Variants in SLC24A2 observed in about 807,000 individuals in gnomAD.
SLC24A2 encodes sodium/potassium/calcium exchanger 2.
SLC24A2 carries 36 observed loss-of-function variants against 62.0 expected under a neutral mutation model. The observed-to-expected ratio is 0.58, with a 90% CI of 0.44 to 0.77. The LOEUF (loss-of-function observed/expected upper bound fraction) is 0.77. SLC24A2 is among the 30% of genes least tolerant of loss of function. SLC24A2 has a pLI of 0.00. For missense variants in SLC24A2, 846 were observed against 817.9 expected (o/e 1.03, Z -0.42); for synonymous variants, 358 against 294.0 (o/e 1.22, Z -2.23).
At chr9:19,769,878 C>T (rs1487153278) in intron 2 of SLC24A2, among the ~76,000 whole-genome samples, 11 of 152,042 alleles carry the variant, frequency 7.2e-5, no homozygotes, top group Admixed American at 7.2e-4. Context: ...GGGGGGTTGC[C>T]TGTTCTATTT....
chr9:20,280,571 G>A, the SLC24A2 span, among the ~76,000 whole-genome samples: 2,273 of 152,282 alleles, frequency 0.015, 29 homozygotes, highest in South Asian at 0.024. Flanking sequence ...TCTGGTACTG[G>A]AGCCACATCA....
chr9:20,183,858 C>T, the SLC24A2 span, among the ~76,000 whole-genome samples: 7 of 149,756 alleles, frequency 4.7e-5, no homozygotes, highest in African/African-American at 1.7e-4. Context: ...TTTCAAAATG[C>T]AAACCTTGTA....
chr9:19,988,162 C>T, the SLC24A2 span, among the ~76,000 whole-genome samples: 1 of 152,080 alleles, frequency 6.6e-6, no homozygotes, highest in Non-Finnish European at 1.5e-5. Context: ...TGCCTTCTCT[C>T]CTACCACCCC....
chr9:19,722,890 C>T (rs963790292), intron 2 of SLC24A2, among the ~76,000 whole-genome samples: 4 of 152,038 alleles, frequency 2.6e-5, no homozygotes, highest in East Asian at 1.9e-4. Flanking sequence ...CCAGGTGAAG[C>T]TCGTATGGAA....
the SLC24A2 span, among the ~76,000 whole-genome samples, chr9:20,187,908 G>T: frequency 6.6e-6 from 1 of 152,152 alleles, no homozygotes; most frequent in Non-Finnish European, 1.5e-5. Flanking sequence ...GATCCCACAT[G>T]ATTCCTCCGC....
At chr9:19,709,958 C>G (rs887351026) in intron 2 of SLC24A2, among the ~76,000 whole-genome samples, 1 of 152,202 alleles carries the variant, frequency 6.6e-6, no homozygotes, top group South Asian at 2.1e-4. Flanking sequence ...AGCTAAACCT[C>G]TTCCTCTAGA....
At chr9:20,116,309 C>T in the SLC24A2 span, among the ~76,000 whole-genome samples, 5 of 152,118 alleles carry the variant, frequency 3.3e-5, no homozygotes, top group African/African-American at 9.7e-5. Context: ...CCTTATGGAT[C>T]TTCCTCTTCT....
chr9:20,079,479 T>C, the SLC24A2 span, among the ~76,000 whole-genome samples: 2 of 152,248 alleles, frequency 1.3e-5, no homozygotes, highest in African/African-American at 4.8e-5. Context: ...CTATTTTGTT[T>C]TCCCACTTAT....
At chr9:20,093,107 C>T in the SLC24A2 span, among the ~76,000 whole-genome samples, 6 of 151,516 alleles carry the variant, frequency 4.0e-5, no homozygotes, top group African/African-American at 1.5e-4. Context: ...GTTTCGATCT[C>T]GTTGCCCAGG....
chr9:19,556,023 C>T (rs960108012), intron 7 of SLC24A2, among the ~76,000 whole-genome samples: 4 of 152,168 alleles, frequency 2.6e-5, no homozygotes, highest in African/African-American at 9.7e-5. Flanking sequence ...CCTTCTAGGA[C>T]TCTTATCAAT....
Position 19,599,258 on chromosome 9 carries a change from TCA to T in SLC24A2, c.1079-1981_1079-1980del, listed in dbSNP as rs566100487. 2.6e-4 allele frequency among the ~76,000 whole-genome samples: 39 copies of T among 152,214 alleles called. No individual in the cohort carries two copies. Among genetic ancestry groups the T allele is most frequent in the Non-Finnish European group, 5.3e-4 (36 of 68,038 alleles). On this transcript the variant is annotated intron_variant, in intron 4 of 10. Coordinates refer to ENST00000341998, the MANE Select transcript of SLC24A2 (RefSeq NM_020344.4). This position sits in a 1 kb window ranked among gnomAD's most constrained non-coding sequence, Gnocchi z 4.5. ...TGGAACTGTTCATATCGGACAAAGC[TCA>T]CACATTCTCGACAACGTGGCAATGT...
At chr9:20,304,859 T>C in the SLC24A2 span, among the ~76,000 whole-genome samples, 70 of 150,980 alleles carry the variant, frequency 4.6e-4, no homozygotes, top group Middle Eastern at 3.4e-3. Flanking sequence ...CTAGGTGGGA[T>C]CCCAGAGACA....
chr9:19,916,940 G>A, the SLC24A2 span, among the ~76,000 whole-genome samples: 4 of 136,474 alleles, frequency 2.9e-5, no homozygotes, highest in Admixed American at 2.2e-4. Context: ...TGAGTTATAT[G>A]AATTCCAAGT....
intron 8 of SLC24A2, among the ~76,000 whole-genome samples, chr9:19,549,465 A>G (rs568986916): frequency 1.3e-5 from 2 of 152,352 alleles, no homozygotes; most frequent in East Asian, 3.9e-4. Context: ...GGACTGAATC[A>G]TCACAGACCA....
chr9:20,032,765 G>A, the SLC24A2 span, among the ~76,000 whole-genome samples: 2 of 152,178 alleles, frequency 1.3e-5, no homozygotes, highest in African/African-American at 4.8e-5. Context: ...GGTGGCGGGA[G>A]CTGGTTCTAG....
the SLC24A2 span, among the ~76,000 whole-genome samples, chr9:19,916,981 G>GTTTTTTT: frequency 8.3e-3 from 596 of 71,928 alleles, 30 homozygotes; most frequent in Non-Finnish European, 0.011. Flanking sequence ...TAACTTACCT[G>GTTTTTTT]TTTTTTTTTT....
At chr9:20,110,762 A>G in the SLC24A2 span, among the ~76,000 whole-genome samples, 1 of 152,232 alleles carries the variant, frequency 6.6e-6, no homozygotes, top group Non-Finnish European at 1.5e-5. Context: ...GCATCCAATC[A>G]TTTGAAAAAT....
the SLC24A2 span, among the ~76,000 whole-genome samples, chr9:19,819,555 A>C: frequency 2.6e-5 from 4 of 152,112 alleles, no homozygotes; most frequent in African/African-American, 9.7e-5. Flanking sequence ...AAGGACATGA[A>C]TAGACAATTC....
At chr9:20,116,930 A>T in the SLC24A2 span, among the ~76,000 whole-genome samples, 1 of 152,296 alleles carries the variant, frequency 6.6e-6, no homozygotes, top group South Asian at 2.1e-4. Context: ...ATAATCAAAC[A>T]TAAGATCAGT....
Sources: gnomAD v4.1 joint callset for allele counts (sites outside exome capture counted in the v4.1 genomes callset) on GRCh38, gnomAD v4.1.1 for gene constraint, Gnocchi (gnomAD v3.1) non-coding constraint, MANE v1.5 for transcripts, NCBI Gene and HGNC (gene_info 2026-07-23, HGNC 2026-07-21) for gene names.